The following ATXN7L1 variants were observed in gnomAD, a reference collection of about 807,000 sequenced individuals.
ATXN7L1 encodes ataxin 7 like 1, also known as ataxin-7-like protein 1.
In ATXN7L1, 15 loss-of-function variants were observed where a neutral mutation model predicts 70.8. The ratio of observed to expected loss-of-function variants is 0.21; its 90% CI spans 0.14 to 0.33. The LOEUF (loss-of-function observed/expected upper bound fraction) is 0.33, where lower values mean the gene tolerates loss of function less well. Among genes scored for constraint, ATXN7L1 ranks in the 10% least tolerant of loss-of-function variants. The pLI, the probability that ATXN7L1 is intolerant of heterozygous loss-of-function variation, is 1.00. For missense variants in ATXN7L1, 975 were observed against 1,097.1 expected (o/e 0.89, Z 1.57); for synonymous variants, 440 against 445.1 (o/e 0.99, Z 0.14).
intron 3 of ATXN7L1, among the ~76,000 whole-genome samples, chr7:105,744,313 C>A (rs1432780806): frequency 8.5e-5 from 13 of 152,178 alleles, no homozygotes; most frequent in Admixed American, 7.9e-4. Flanking sequence ...CATGCACAAC[C>A]ATTTATCTAA....
chr7:105,710,031 C>A lies in ATXN7L1; in HGVS notation c.356-44743G>T, dbSNP rs116078933. Among the ~76,000 whole-genome samples the A allele has an allele frequency of 5.1e-3, 776 of 151,844 alleles. 6 individuals are homozygous for A. The highest frequency in any genetic ancestry group is 0.018 in the African/African-American group (733 of 41,378). Reference sequence around the variant, plus strand: ...GGGACTACAGGTGTTTGTCACCACACCTGGCTAATTTTTCTTTTGTAGAGG... The same window carrying A: ...GGGACTACAGGTGTTTGTCACCACAACTGGCTAATTTTTCTTTTGTAGAGG... On this transcript the variant is annotated intron_variant, in intron 3 of 11. Coordinates refer to ENST00000419735, the MANE Select transcript of ATXN7L1 (RefSeq NM_020725.2).
rs1036569098 is a variant in ATXN7L1 at position 105,876,389 on chromosome 7, T to G, written c.170A>C (p.His57Pro). The change falls in exon 1 of 12, where the codon CAC (histidine) becomes CCC (proline). Residue 57 changes from histidine (H) to proline (P), a missense_variant. His to Pro is a moderately conservative substitution (Grantham distance 77, BLOSUM62 -2). This residue lies in a region of ATXN7L1 where 135 missense variants were observed against 132.6 expected (regional missense o/e 1.02). Coordinates refer to ENST00000419735, the MANE Select transcript of ATXN7L1 (RefSeq NM_020725.2). ...GGTGGGGTTCTTACTGTCGGAGCAGTGTAATTTGGCGGCGTCGATCCAGGA... is the reference window on the plus strand; with the variant it reads ...GGTGGGGTTCTTACTGTCGGAGCAGGGTAATTTGGCGGCGTCGATCCAGGA... The part of the protein sequence containing the change: ...WSSWIDAAKL[H>P]CSDNVDLEEA... 2 of 1,607,456 alleles carry G rather than the reference T, an allele frequency of 1.2e-6. No homozygotes were observed. Among genetic ancestry groups the G allele is most frequent in the African/African-American group, 2.7e-5 (2 of 74,672 alleles).
At position 105,638,586 on chromosome 7, in the gene ATXN7L1, C is replaced by T. The variant is rs1405309763; in HGVS notation, c.969G>A (p.Arg323=). The stretch of plus-strand genomic sequence containing the variant: ...ATTGCTTTTTCCGGCCTGGGACTGC[C>T]CTCCGATGGCTTAGCGAATGTGTCT... ...TCKTHSLSHR[R]AVPGRKKQFD... Residue 323 remains arginine, a synonymous_variant, in exon 7 of 12, where the codon AGG becomes AGA. Transcript: ENST00000419735. 1.3e-6 allele frequency: 2 copies of T among 1,551,730 alleles called. No individual in the cohort carries two copies. Among genetic ancestry groups the T allele is most frequent in the East Asian group, 2.4e-5 (1 of 40,924 alleles).
At chr7:105,673,032 G>T (rs1288672380) in intron 3 of ATXN7L1, among the ~76,000 whole-genome samples, 1 of 152,170 alleles carries the variant, frequency 6.6e-6, no homozygotes, top group Non-Finnish European at 1.5e-5. Context: ...CAACTCCAGG[G>T]GCAGTCCTGG....
chr7:105,726,145 G>A (rs1204544106), intron 3 of ATXN7L1, among the ~76,000 whole-genome samples: 2 of 152,064 alleles, frequency 1.3e-5, no homozygotes, highest in Non-Finnish European at 2.9e-5. Context: ...CAAGTGATCC[G>A]CCTGCCTTGG....
intron 3 of ATXN7L1, among the ~76,000 whole-genome samples, chr7:105,701,045 TA>T (rs1366811434): frequency 6.6e-6 from 1 of 152,168 alleles, no homozygotes; most frequent in Non-Finnish European, 1.5e-5. Flanking sequence ...TCTTTCCACT[TA>T]AATGCAAACA....
intron 3 of ATXN7L1, among the ~76,000 whole-genome samples, chr7:105,712,015 A>G (rs1464848004): frequency 2.6e-5 from 4 of 152,392 alleles, no homozygotes; most frequent in African/African-American, 7.2e-5. Flanking sequence ...GTGCAAATGC[A>G]GGCCCAACGT....
chr7:105,618,477 T>A (rs1200076312), intron 9 of ATXN7L1, among the ~76,000 whole-genome samples: 1 of 152,182 alleles, frequency 6.6e-6, no homozygotes, highest in African/African-American at 2.4e-5. Context: ...AGAGCTCAAT[T>A]CAGACACAAA....
intron 2 of ATXN7L1, among the ~76,000 whole-genome samples, chr7:105,815,985 A>G (rs116400143): frequency 0.015 from 2,252 of 152,320 alleles, 57 homozygotes; most frequent in African/African-American, 0.051. Flanking sequence ...TAAGAAAGGA[A>G]ACCTAATCCC....
chr7:105,743,364 C>G (rs551428720), intron 3 of ATXN7L1, among the ~76,000 whole-genome samples: 2 of 152,244 alleles, frequency 1.3e-5, no homozygotes, highest in African/African-American at 4.8e-5. Context: ...GGATTGGAAC[C>G]CAGTACTCCT....
At chr7:105,765,775 A>C (rs1801169239) in intron 3 of ATXN7L1, among the ~76,000 whole-genome samples, 2 of 152,234 alleles carry the variant, frequency 1.3e-5, no homozygotes, top group African/African-American at 4.8e-5. Flanking sequence ...CACCAGCATT[A>C]GTAGCCTGTG....
At chr7:105,790,438 G>A (rs954881221) in intron 2 of ATXN7L1, among the ~76,000 whole-genome samples, 2 of 151,924 alleles carry the variant, frequency 1.3e-5, no homozygotes, top group South Asian at 2.1e-4. Flanking sequence ...AAAATCAGCC[G>A]GGTGAGGTGA....
At chr7:105,772,399 G>A (rs1259692405) in intron 3 of ATXN7L1, among the ~76,000 whole-genome samples, 2 of 151,942 alleles carry the variant, frequency 1.3e-5, no homozygotes, top group African/African-American at 2.4e-5. Flanking sequence ...AAAAGCCAGC[G>A]ATATACTGCT....
chr7:105,655,786 C>A (rs1207850860), intron 4 of ATXN7L1, among the ~76,000 whole-genome samples: 1 of 152,208 alleles, frequency 6.6e-6, no homozygotes, highest in African/African-American at 2.4e-5. Flanking sequence ...ACTCCCTCAG[C>A]CCCAGTTGCT....
chr7:105,723,661 T>C (rs1795462349), intron 3 of ATXN7L1, among the ~76,000 whole-genome samples: 1 of 152,162 alleles, frequency 6.6e-6, no homozygotes, highest in Non-Finnish European at 1.5e-5. Flanking sequence ...CCCATGTGTT[T>C]CAGGTTGGCA....
chr7:105,869,879 A>G (rs985454942), intron 2 of ATXN7L1, among the ~76,000 whole-genome samples: 2 of 152,210 alleles, frequency 1.3e-5, no homozygotes, highest in African/African-American at 4.8e-5. Flanking sequence ...AGTCCCTAGA[A>G]AGAACTTTGT....
In ATXN7L1 at chr7:105,665,989, C is replaced by T. The variant is rs113500949; in HGVS notation, c.356-701G>A. 8.3e-3 allele frequency among the ~76,000 whole-genome samples: 1,270 copies of T among 152,324 alleles called. 18 individuals are homozygous for T. The highest frequency in any genetic ancestry group is 0.029 in the African/African-American group (1,217 of 41,564). ...AGGTTCTACAGAGAATACCAGAGCT[C>T]TGGGCAGAGATGCCTCACTTGTTCA... On this transcript the variant is annotated intron_variant, in intron 3 of 11. Coordinates refer to ENST00000419735, the MANE Select transcript of ATXN7L1 (RefSeq NM_020725.2).
intron 3 of ATXN7L1, among the ~76,000 whole-genome samples, chr7:105,755,436 G>A (rs1799690640): frequency 6.6e-6 from 1 of 152,190 alleles, no homozygotes; most frequent in Non-Finnish European, 1.5e-5. Context: ...CAATATGGCT[G>A]CCATCAGGGT....
At chr7:105,675,996 A>G (rs1405671248) in intron 3 of ATXN7L1, among the ~76,000 whole-genome samples, 1 of 151,412 alleles carries the variant, frequency 6.6e-6, no homozygotes. Flanking sequence ...TCACTGCTAG[A>G]CCTTTGTCAT....
Sources: gnomAD v4.1 joint callset for allele counts (sites outside exome capture counted in the v4.1 genomes callset) on GRCh38, gnomAD v4.1.1 for gene constraint, gnomAD v4.1.1 regional missense constraint, MANE v1.5 for transcripts, NCBI Gene and HGNC (gene_info 2026-07-23, HGNC 2026-07-21) for gene names.